Variants in ZAN observed in about 807,000 individuals in gnomAD.
ZAN encodes zonadhesin, also known as zonadhesin (gene/pseudogene).
ZAN carries 260 observed loss-of-function variants against 286.2 expected under a neutral mutation model. The ratio of observed to expected loss-of-function variants is 0.91; its 90% CI spans 0.82 to 1.01. The LOEUF (loss-of-function observed/expected upper bound fraction) is 1.01, where lower values mean the gene tolerates loss of function less well. Among genes scored for constraint, ZAN ranks in the 50% least tolerant of loss-of-function variants. The pLI is 0.00. For missense variants in ZAN, 3,410 were observed against 3,639.2 expected, an observed-to-expected ratio of 0.94 and a Z score of 1.62; for synonymous variants, 1,368 against 1,417.5, an observed-to-expected ratio of 0.97 and a Z score of 0.79.
In ZAN at chr7:100,792,005, G is replaced by T. The variant is rs1185384713; in HGVS notation, c.7569G>T (p.Leu2523=). Residue 2523 remains leucine (L), a synonymous_variant, in exon 41 of 48, where the codon CTG becomes CTT. Transcript: ENST00000613979. The part of the protein sequence containing the change: ...PAEEEGQGAE[L]GLRTGLQVSE... ...AGGAGGAGGGACAAGGGGCGGAGCT[G>T]GGCCTCCGCACGGGCCTCCAAGTGT... 1 of 1,613,332 alleles carries T rather than the reference G, an allele frequency of 6.2e-7. No individual in the cohort carries two copies. Among genetic ancestry groups the T allele is most frequent in the Non-Finnish European group, 8.5e-7 (1 of 1,179,794 alleles).
At chr7:100,766,722 G>T in intron 24 of ZAN, 56 bp downstream of exon 24, 1 of 1,533,782 alleles carries the variant, frequency 6.5e-7, no homozygotes, top group Non-Finnish European at 8.8e-7. Context: ...ACCAGGCAAG[G>T]TGATGGGTCC....
intron 23 of ZAN, among the ~76,000 whole-genome samples, chr7:100,766,227 TCCAC>T (rs1296860808): frequency 1.1e-4 from 16 of 152,152 alleles, no homozygotes; most frequent in Non-Finnish European, 1.9e-4. Flanking sequence ...CCTCAAGTGA[TCCAC>T]CCGCCTTGGC....
chr7:100,768,689 C>T lies in ZAN; in HGVS notation c.5121C>T (p.Ala1707=), dbSNP rs1243461727. The T allele has an allele frequency of 2.0e-5, 32 of 1,606,256 alleles. No homozygotes were observed. The highest frequency in any genetic ancestry group is 1.6e-4 in the Middle Eastern group (1 of 6,076). ...CAGGCGATTCCATGCAGCTGGGGGCCGCCTGGAAGTTACCTGAATCCTCTG... is the reference window on the plus strand; with the variant it reads ...CAGGCGATTCCATGCAGCTGGGGGCTGCCTGGAAGTTACCTGAATCCTCTG... ...KLAGDSMQLG[A]AWKLPESSEP... The change falls in exon 27 of 48, where the codon GCC becomes GCT. Residue 1707 remains alanine (A), a synonymous_variant. Coordinates refer to ENST00000613979, the MANE Select transcript of ZAN (RefSeq NM_003386.3).
chr7:100,793,778 T>C (rs1303158440), intron 42 of ZAN, 42 bp from the exon 43 acceptor site: 9 of 1,537,466 alleles, frequency 5.9e-6, no homozygotes, highest in Admixed American at 2.0e-5. Context: ...CTGTTTGGCC[T>C]GCCCAGCCCC....
chr7:100,765,968 G>GT (rs1809939850), intron 23 of ZAN, among the ~76,000 whole-genome samples: 1 of 149,046 alleles, frequency 6.7e-6, no homozygotes, highest in African/African-American at 2.5e-5. Flanking sequence ...TTGTTTTTTG[G>GT]TTTTTTGTTG....
rs776626556 is a variant in ZAN, at chr7:100,792,043, C to T, written c.7607C>T (p.Pro2536Leu). 20 of 1,613,198 alleles carry T rather than the reference C, an allele frequency of 1.2e-5. No individual in the cohort carries two copies. The highest frequency in any genetic ancestry group is 1.2e-4 in the Admixed American group (7 of 59,970). ...GGCCTCCAAGTGTCCGAATGTAGCCCGGAGCAGCTGGCGAGCAACAGCACC... is the reference window on the plus strand; with the variant it reads ...GGCCTCCAAGTGTCCGAATGTAGCCTGGAGCAGCTGGCGAGCAACAGCACC... ...RTGLQVSECSPEQLASNSTQA... is the reference protein window; with the variant it reads ...RTGLQVSECSLEQLASNSTQA... The change falls in exon 41 of 48, where the codon CCG becomes CTG. Residue 2536 changes from proline to leucine, a missense_variant. Transcript: ENST00000613979.
chr7:100,735,710 G>A lies in ZAN; in HGVS notation c.54-10G>A, dbSNP rs1376118221. The A allele has an allele frequency of 2.0e-6, 3 of 1,501,378 alleles. No homozygotes were observed. Among genetic ancestry groups the A allele is most frequent in the Non-Finnish European group, 2.7e-6 (3 of 1,095,914 alleles). The allele number at this position is 1,501,378 out of a possible 1,614,324, so 93.0% of individuals were successfully genotyped here. On this transcript the variant is annotated splice_polypyrimidine_tract_variant and intron_variant, in intron 2 of 47. Coordinates refer to ENST00000613979, the MANE Select transcript of ZAN (RefSeq NM_003386.3). ...AGTTGCATTTTTGCTTTCTTCAAAC[G>A]ACCCCCAAGGAAAGAGAAGCCTCCG...
At chr7:100,753,263 A>G (rs1444684153) in intron 14 of ZAN, 34 bp downstream of exon 14, 2 of 1,536,552 alleles carry the variant, frequency 1.3e-6, no homozygotes, top group Non-Finnish European at 1.7e-6. Flanking sequence ...CCAAGGCTGA[A>G]AGTCAGAGAC....
chr7:100,784,543 A>G, intron 35 of ZAN, 80 bp from the exon 36 acceptor site: 1 of 1,434,342 alleles, frequency 7.0e-7, no homozygotes, highest in Non-Finnish European at 9.6e-7. Flanking sequence ...TCATCCACCC[A>G]TAGCTTGGTT....
chr7:100,762,166 C>A (rs1218822813), intron 19 of ZAN, 49 bp from the exon 20 acceptor site: 1 of 1,607,708 alleles, frequency 6.2e-7, no homozygotes, highest in South Asian at 1.1e-5. Flanking sequence ...CCCTCGAGGA[C>A]CGAGGCTGCT....
rs1207486528 is a variant in ZAN, at chr7:100,750,894, C to A, written c.1519C>A (p.Gln507Lys). The change falls in exon 12 of 48, where the codon CAG becomes AAG. Residue 507 changes from glutamine to lysine, a missense_variant and splice_region_variant. Coordinates refer to ENST00000613979, the MANE Select transcript of ZAN (RefSeq NM_003386.3). ...CCCCTCAGGACACCAACAGCCCATG[C>A]AGGTGAGAGACGGAGGCGGGGGTCC... Reference protein sequence around the residue: ...TVPSGHQQPMQLIFKGIQGSN... With the variant: ...TVPSGHQQPMKLIFKGIQGSN... 2.6e-6 allele frequency: 4 copies of A among 1,540,534 alleles called. No homozygotes were observed. Among genetic ancestry groups the A allele is most frequent in the Non-Finnish European group, 3.5e-6 (4 of 1,142,112 alleles).
chr7:100,786,385 G>C (rs966949808), intron 37 of ZAN, among the ~76,000 whole-genome samples: 8 of 150,704 alleles, frequency 5.3e-5, no homozygotes, highest in African/African-American at 2.0e-4. Context: ...TGGTCAAGGA[G>C]ATCCTCCAAA....
In ZAN at chr7:100,756,243, A is replaced by T. The variant is rs552824178; in HGVS notation, c.3309+833A>T. On this transcript the variant is annotated intron_variant, in intron 15 of 47. Transcript: ENST00000613979. ...TAATTATTATCATTAGCAATTTATG[A>T]TAAATATATGCAACCTATTAATTAA... 3.9e-5 allele frequency among the ~76,000 whole-genome samples: 6 copies of T among 152,286 alleles called. No individual in the cohort carries two copies. In the East Asian group the frequency reaches 1.2e-3, roughly 29 times the overall value.
At chr7:100,796,696 G>GT (rs1238613053) in intron 45 of ZAN, among the ~76,000 whole-genome samples, 1 of 152,088 alleles carries the variant, frequency 6.6e-6, no homozygotes, top group African/African-American at 2.4e-5. Context: ...GATTACAGGC[G>GT]TGAGCCTTTG....
chr7:100,791,118 A>T lies in ZAN; in HGVS notation c.7529+5A>T, dbSNP rs114410736. The T allele has an allele frequency of 6.2e-7, 1 of 1,609,068 alleles. No individual in the cohort carries two copies. Among genetic ancestry groups the T allele is most frequent in the Admixed American group, 1.7e-5 (1 of 59,528 alleles). The stretch of plus-strand genomic sequence containing the variant: ...CGCACTCCTGCGCTTCCCCAGGTGC[A>T]CGGCCTGGAAGGGATGAGGCGGGGG... On this transcript the variant is annotated splice_donor_5th_base_variant and intron_variant, in intron 40 of 47. Coordinates refer to ENST00000613979, the MANE Select transcript of ZAN (RefSeq NM_003386.3).
intron 27 of ZAN, among the ~76,000 whole-genome samples, chr7:100,769,132 C>T (rs544495493): frequency 1.4e-3 from 217 of 152,208 alleles, no homozygotes; most frequent in African/African-American, 4.9e-3. Context: ...CACGCTCTGT[C>T]ACCCAGGCTG....
In ZAN at chr7:100,753,083, C is replaced by T. The variant is rs1198137639; in HGVS notation, c.2978C>T (p.Pro993Leu). Reference protein sequence around the residue: ...PTIPTEKPTIPTEKLTALRPP... With the variant: ...PTIPTEKPTILTEKLTALRPP... Reference sequence around the variant, plus strand: ...ATCCCCACAGAAAAACCCACCATTCCCACAGAGAAGCTCACAGCCCTGAGG... The same window carrying T: ...ATCCCCACAGAAAAACCCACCATTCTCACAGAGAAGCTCACAGCCCTGAGG... Residue 993 changes from proline to leucine, a missense_variant, in exon 14 of 48, where the codon CCC (proline) becomes CTC (leucine). Pro to Leu is a moderately conservative substitution (Grantham distance 98, BLOSUM62 -3). Transcript: ENST00000613979. The T allele has an allele frequency of 2.5e-6, 4 of 1,614,020 alleles. No homozygotes were observed. The South Asian group carries it at 4.4e-5, about 18-fold the overall frequency.
chr7:100,780,541 G>C (rs1811128813), intron 35 of ZAN, among the ~76,000 whole-genome samples: 1 of 151,704 alleles, frequency 6.6e-6, no homozygotes, highest in African/African-American at 2.4e-5. Context: ...GGGTATGGTG[G>C]TGCATGCCTG....
In ZAN at chr7:100,793,827, G is replaced by A; in HGVS notation, c.7795G>A (p.Val2599Met). ...LRCQVLSGHG[V>M]SSRYHISELY... ...CCATGACTGTCCCCGCAGCCATGGA[G>A]TGTCCAGCAGGTACCATATATCAGA... The change falls in exon 43 of 48, where the codon GTG becomes ATG. Residue 2599 changes from valine to methionine, a missense_variant. Transcript: ENST00000613979. 1 of 1,593,414 alleles carries A rather than the reference G, an allele frequency of 6.3e-7. No homozygotes were observed. The highest frequency in any genetic ancestry group is 8.6e-7 in the Non-Finnish European group (1 of 1,167,128).
Sources: gnomAD v4.1 joint callset for allele counts (sites outside exome capture counted in the v4.1 genomes callset) on GRCh38, gnomAD v4.1.1 for gene constraint, MANE v1.5 for transcripts, NCBI Gene and HGNC (gene_info 2026-07-23, HGNC 2026-07-21) for gene names.